The following RAD51C variants were observed in gnomAD, a reference collection of about 807,000 sequenced individuals.
RAD51C encodes the protein RAD51 paralog C, also known as DNA repair protein RAD51 homolog 3.
RAD51C carries 42 observed loss-of-function variants against 45.0 expected under a neutral mutation model. The ratio of observed to expected loss-of-function variants is 0.93; its 90% CI spans 0.73 to 1.21. The LOEUF (loss-of-function observed/expected upper bound fraction) is 1.21. RAD51C is among the 50% of genes most tolerant of loss of function. The pLI is 0.00. For synonymous variants in RAD51C, 172 were observed against 159.8 expected, an observed-to-expected ratio of 1.08 and a Z score of -0.58; for missense variants, 474 against 452.2, an observed-to-expected ratio of 1.05 and a Z score of -0.44.
At chr17:58,698,452 G>A (rs2048097126) in intron 3 of RAD51C, among the ~76,000 whole-genome samples, 1 of 151,544 alleles carries the variant, frequency 6.6e-6, no homozygotes, top group African/African-American at 2.4e-5. Flanking sequence ...CCAAAGTGCT[G>A]GGATTACAGG....
chr17:58,724,112 A>C lies in RAD51C; in HGVS notation c.965+12A>C. 2 of 1,603,074 alleles carry C rather than the reference A, an allele frequency of 1.2e-6. No individual in the cohort carries two copies. Among genetic ancestry groups the C allele is most frequent in the Non-Finnish European group, 1.7e-6 (2 of 1,170,074 alleles). On this transcript the variant is annotated intron_variant, in intron 7 of 8. Coordinates refer to ENST00000337432, the MANE Select transcript of RAD51C (RefSeq NM_058216.3). ...GACCGAAAGCAAAGGTCAGTACAGAAACAAGTTAATAACTCCGAATATTGG... is the reference window on the plus strand; with the variant it reads ...GACCGAAAGCAAAGGTCAGTACAGACACAAGTTAATAACTCCGAATATTGG...
intron 7 of RAD51C, among the ~76,000 whole-genome samples, chr17:58,729,716 C>G (rs1423515734): frequency 6.6e-6 from 1 of 151,810 alleles, no homozygotes; most frequent in African/African-American, 2.4e-5. Flanking sequence ...GGATTATAGG[C>G]ATGCGCCACC....
chr17:58,732,656 G>A, intron 8 of RAD51C, 112 bp downstream of exon 8: 9 of 1,024,918 alleles, frequency 8.8e-6, no homozygotes, highest in Non-Finnish European at 1.4e-5. Flanking sequence ...GCATATTTGA[G>A]GACAGCTTTT....
At chr17:58,694,024 GC>G (rs890899913) in intron 1 of RAD51C, 2 of 152,096 alleles carry the variant, frequency 1.3e-5, no homozygotes, top group African/African-American at 4.8e-5. Flanking sequence ...TTTTGTAATT[GC>G]CATTTTCTTT....
intron 6 of RAD51C, 70 bp downstream of exon 6, chr17:58,720,882 T>G (rs1386394153): frequency 1.6e-6 from 2 of 1,278,626 alleles, no homozygotes; most frequent in African/African-American, 2.9e-5. Flanking sequence ...TGATTCTCAT[T>G]GAGTACTATA....
At chr17:58,694,781 A>G in intron 1 of RAD51C, 150 bp from the exon 2 acceptor site, 2 of 885,102 alleles carry the variant, frequency 2.3e-6, no homozygotes, top group East Asian at 2.4e-5. Flanking sequence ...GGCCAAACTG[A>G]AAAATTAAAT....
chr17:58,726,605 C>T (rs1447263066), intron 7 of RAD51C, among the ~76,000 whole-genome samples: 3 of 101,148 alleles, frequency 3.0e-5, no homozygotes, highest in Non-Finnish European at 7.3e-5. Flanking sequence ...TATGTATATA[C>T]GTGTATGTAT....
intron 5 of RAD51C, among the ~76,000 whole-genome samples, chr17:58,712,265 A>C (rs2048580709): frequency 6.7e-6 from 1 of 149,780 alleles, no homozygotes; most frequent in Non-Finnish European, 1.5e-5. Context: ...GAATCATTTG[A>C]ACCCAGAAGG....
At chr17:58,702,529 C>T (rs2048244074) in intron 3 of RAD51C, among the ~76,000 whole-genome samples, 1 of 151,748 alleles carries the variant, frequency 6.6e-6, no homozygotes, top group African/African-American at 2.4e-5. Context: ...CCCGTCTCTA[C>T]TAAAAATACA....
chr17:58,720,865 T>G, intron 6 of RAD51C, 53 bp downstream of exon 6: 6 of 1,412,684 alleles, frequency 4.2e-6, no homozygotes, highest in Non-Finnish European at 6.0e-6. Flanking sequence ...TTCTTATCTC[T>G]TTCATTTGAT....
chr17:58,699,231 C>T (rs778951891), intron 3 of RAD51C, among the ~76,000 whole-genome samples: 52 of 152,078 alleles, frequency 3.4e-4, no homozygotes, highest in Non-Finnish European at 6.6e-4. Context: ...TGGTCTCGAA[C>T]TCCTGACCTT....
At chr17:58,695,956 C>T (rs1567787400) in intron 2 of RAD51C, among the ~76,000 whole-genome samples, 1 of 150,154 alleles carries the variant, frequency 6.7e-6, no homozygotes, top group African/African-American at 2.5e-5. Flanking sequence ...AGTCTCAGCT[C>T]CTCGGGAGGC....
intron 7 of RAD51C, among the ~76,000 whole-genome samples, chr17:58,728,404 C>T (rs117554774): frequency 0.14 from 18,653 of 129,530 alleles, 1,470 homozygotes; most frequent in Middle Eastern, 0.21. Context: ...TTTTTTTTTT[C>T]TTTTTTTTTT....
chr17:58,720,139 C>T (rs956330252), intron 5 of RAD51C, among the ~76,000 whole-genome samples: 4 of 150,940 alleles, frequency 2.7e-5, no homozygotes, highest in African/African-American at 4.9e-5. Context: ...ACAGGCTGGG[C>T]GCGGTGGCTC....
chr17:58,702,576 C>G (rs1052547119), intron 3 of RAD51C, among the ~76,000 whole-genome samples: 9 of 151,860 alleles, frequency 5.9e-5, no homozygotes, highest in African/African-American at 2.2e-4. Flanking sequence ...GACTGTAATC[C>G]CAGCTACTCA....
intron 5 of RAD51C, among the ~76,000 whole-genome samples, chr17:58,718,973 G>C (rs551724634): frequency 6.6e-6 from 1 of 152,036 alleles, no homozygotes; most frequent in Non-Finnish European, 1.5e-5. Flanking sequence ...TTATAATCCC[G>C]GCCCTTTGGG....
chr17:58,723,888 G>A (rs45476397), intron 6 of RAD51C, 152 bp from the exon 7 acceptor site: 58 of 711,816 alleles, frequency 8.1e-5, no homozygotes, highest in Admixed American at 7.4e-4. Context: ...TGTAATCTCA[G>A]GATATTACTC....
At chr17:58,700,660 T>A (rs2048183757) in intron 3 of RAD51C, among the ~76,000 whole-genome samples, 1 of 151,960 alleles carries the variant, frequency 6.6e-6, no homozygotes, top group Non-Finnish European at 1.5e-5. Flanking sequence ...CAGGATGGTC[T>A]CGATCTCCTG....
chr17:58,720,848 A>T (rs1266551791), intron 6 of RAD51C, 36 bp downstream of exon 6: 2 of 1,511,774 alleles, frequency 1.3e-6, no homozygotes, highest in African/African-American at 2.7e-5. Context: ...TTAGTTTATC[A>T]CAGTTTTTCT....
Sources: gnomAD v4.1 joint callset for allele counts (sites outside exome capture counted in the v4.1 genomes callset) on GRCh38, gnomAD v4.1.1 for gene constraint, MANE v1.5 for transcripts, NCBI Gene and HGNC (gene_info 2026-07-23, HGNC 2026-07-21) for gene names.